GALNT14: variants seen among roughly 807,000 people sequenced by gnomAD.
The protein encoded by GALNT14 is UDP-GalNAc:polypeptide N-acetylgalactosaminyltransferase 14.
A neutral mutation model predicts 77.5 loss-of-function variants in GALNT14; 60 were observed. That is an observed-to-expected ratio of 0.77 (90% CI 0.63 to 0.96). The LOEUF is 0.96. Ranked by LOEUF, GALNT14 falls within the 40% of genes least tolerant of loss-of-function variation. The probability of loss-of-function intolerance (pLI) is 0.00; values close to 1 mark genes in which losing one functional copy is unlikely to be tolerated. For synonymous variants in GALNT14, 280 were observed against 281.7 expected (o/e 0.99, Z 0.06); for missense variants, 710 against 731.0 (o/e 0.97, Z 0.33).
intron 1 of GALNT14, among the ~76,000 whole-genome samples, chr2:31,042,786 G>A (rs1469718380): frequency 2.0e-5 from 3 of 152,190 alleles, no homozygotes; most frequent in Non-Finnish European, 2.9e-5. Context: ...AGCCTCCACC[G>A]TCTCAGGCCT....
intron 1 of GALNT14, among the ~76,000 whole-genome samples, chr2:31,049,114 C>G (rs1224476447): frequency 1.3e-5 from 2 of 152,200 alleles, no homozygotes; most frequent in East Asian, 1.9e-4. Context: ...CGATTCTCTA[C>G]AGCCTAACAC....
chr2:31,032,353 A>T (rs564079895), intron 1 of GALNT14, among the ~76,000 whole-genome samples: 1 of 152,290 alleles, frequency 6.6e-6, no homozygotes, highest in South Asian at 2.1e-4. Context: ...AATGAGAAAG[A>T]TGGAAGAGTT....
At chr2:30,982,950 C>T (rs1405142711) in intron 2 of GALNT14, among the ~76,000 whole-genome samples, 2 of 152,206 alleles carry the variant, frequency 1.3e-5, no homozygotes, top group Admixed American at 6.5e-5. Flanking sequence ...CCAAACTCAA[C>T]AGTATTGTCT....
intron 1 of GALNT14, among the ~76,000 whole-genome samples, chr2:31,030,388 T>C (rs931828550): frequency 2.0e-5 from 3 of 152,068 alleles, no homozygotes; most frequent in Non-Finnish European, 4.4e-5. Context: ...ATTCTAGGTA[T>C]GTTTAGCAAA....
At chr2:30,957,306 T>A (rs1667425611) in intron 4 of GALNT14, among the ~76,000 whole-genome samples, 2 of 152,158 alleles carry the variant, frequency 1.3e-5, no homozygotes, top group Admixed American at 1.3e-4. Flanking sequence ...ACCAGGTTGA[T>A]TATTTGCCCA....
chr2:31,089,556 A>T (rs1466913866), intron 1 of GALNT14, among the ~76,000 whole-genome samples: 3 of 151,960 alleles, frequency 2.0e-5, no homozygotes, highest in Admixed American at 6.6e-5. Context: ...CTCACTTCTT[A>T]TGCCAACTTC....
chr2:31,075,489 C>A (rs142229563), intron 1 of GALNT14, among the ~76,000 whole-genome samples: 2 of 152,140 alleles, frequency 1.3e-5, no homozygotes, highest in African/African-American at 4.8e-5. Flanking sequence ...TCCTGGAGAT[C>A]GGCTTGAAAA....
At chr2:31,079,192 T>C (rs1676001972) in intron 1 of GALNT14, 1 of 515,690 alleles carries the variant, frequency 1.9e-6, no homozygotes, top group Non-Finnish European at 2.9e-6. Flanking sequence ...GGAAGTTGGC[T>C]GGACAAGAAG....
intron 1 of GALNT14, among the ~76,000 whole-genome samples, chr2:31,086,323 G>A (rs1419969392): frequency 1.3e-5 from 2 of 152,162 alleles, no homozygotes; most frequent in African/African-American, 4.8e-5. Context: ...CCTTGGGACT[G>A]CCCTACTGAG....
intron 1 of GALNT14, among the ~76,000 whole-genome samples, chr2:31,020,333 A>C (rs1264663566): frequency 6.6e-6 from 1 of 152,224 alleles, no homozygotes; most frequent in Non-Finnish European, 1.5e-5. Flanking sequence ...CATTCAAAAC[A>C]CAGCCATAGT....
intron 1 of GALNT14, among the ~76,000 whole-genome samples, chr2:31,043,974 C>T (rs145853317): frequency 1.1e-3 from 173 of 152,268 alleles, no homozygotes; most frequent in African/African-American, 4.0e-3. Flanking sequence ...GGGACCAGCA[C>T]TGGAAGGCCC....
chr2:31,134,573 T>A (rs1679142075), intron 1 of GALNT14, among the ~76,000 whole-genome samples: 1 of 152,192 alleles, frequency 6.6e-6, no homozygotes, highest in South Asian at 2.1e-4. Context: ...ACAGGGACTC[T>A]CCTCATCAGG....
At chr2:31,091,720 G>A (rs1042378802) in intron 1 of GALNT14, among the ~76,000 whole-genome samples, 34 of 152,314 alleles carry the variant, frequency 2.2e-4, no homozygotes, top group Middle Eastern at 3.4e-3. Context: ...CCATCTTCTC[G>A]CTGTTGCCTA....
At chr2:30,892,239 A>G in the GALNT14 span, among the ~76,000 whole-genome samples, 1 of 152,242 alleles carries the variant, frequency 6.6e-6, no homozygotes, top group African/African-American at 2.4e-5. Context: ...AAAGAAAATG[A>G]GAGAATTCCA....
At chr2:31,125,267 A>C (rs567436618) in intron 1 of GALNT14, 1 of 1,535,782 alleles carries the variant, frequency 6.5e-7, no homozygotes, top group African/African-American at 1.4e-5. Context: ...AAAATGCCAC[A>C]AGAAAGAAGA....
At chr2:30,977,572 T>A (rs1424430328) in intron 2 of GALNT14, among the ~76,000 whole-genome samples, 2 of 152,126 alleles carry the variant, frequency 1.3e-5, no homozygotes, top group African/African-American at 4.8e-5. Context: ...CATTCCCTCC[T>A]TTCACCTGAA....
intron 2 of GALNT14, among the ~76,000 whole-genome samples, chr2:30,989,267 TC>T (rs1201356089): frequency 1.3e-5 from 2 of 152,026 alleles, no homozygotes; most frequent in East Asian, 3.9e-4. Context: ...TTGACACCAC[TC>T]ACTTCCACTT....
At chr2:31,072,215 A>G (rs1675424575) in intron 1 of GALNT14, among the ~76,000 whole-genome samples, 1 of 148,632 alleles carries the variant, frequency 6.7e-6, no homozygotes, top group Admixed American at 6.7e-5. Context: ...CCTGGCATCC[A>G]GTCAACTTCC....
chr2:30,897,602 G>A, the GALNT14 span, among the ~76,000 whole-genome samples: 2 of 152,182 alleles, frequency 1.3e-5, no homozygotes, highest in Non-Finnish European at 2.9e-5. Flanking sequence ...TGGGGGTGCT[G>A]AGCCCCGCCT....
Sources: allele counts gnomAD v4.1 joint callset (sites outside exome capture counted in the v4.1 genomes callset), GRCh38; gene constraint gnomAD v4.1.1; transcripts MANE v1.5; gene names NCBI Gene and HGNC (gene_info 2026-07-23, HGNC 2026-07-21).